MYOCD: variants seen among roughly 807,000 people sequenced by gnomAD.
The protein encoded by MYOCD is myocardin.
In MYOCD, 32 loss-of-function variants were observed where a neutral mutation model predicts 96.1. The observed-to-expected ratio is 0.33, with a 90% CI of 0.25 to 0.45. MYOCD has a LOEUF of 0.45. MYOCD is among the 20% of genes least tolerant of loss of function. MYOCD has a pLI of 1.00. For missense variants in MYOCD, 1,133 were observed against 1,200.6 expected (o/e 0.94, Z 0.83); for synonymous variants, 469 against 469.0 (o/e 1.00, Z 0.00).
chr17:12,686,279 T>C (rs1282674054), intron 1 of MYOCD, among the ~76,000 whole-genome samples: 9 of 152,152 alleles, frequency 5.9e-5, no homozygotes, highest in Admixed American at 5.9e-4. Context: ...CTCTCTTGCT[T>C]TACAGAGGAG....
At position 12,752,660 on chromosome 17, in the gene MYOCD, A is replaced by G. The variant is rs1272969613; in HGVS notation, c.1372A>G (p.Ile458Val). 1 of 1,613,874 alleles carries G rather than the reference A, an allele frequency of 6.2e-7. No individual in the cohort carries two copies. ...HFGSTSSSPPISPASSDLSVA... is the reference protein window; with the variant it reads ...HFGSTSSSPPVSPASSDLSVA... ...TGGCAGCACCAGCTCCAGCCCCCCG[A>G]TCTCCCCAGCCTCCTCTGACCTGTC... The change falls in exon 10 of 14, where the codon ATC becomes GTC. Residue 458 changes from isoleucine (I) to valine (V), a missense_variant. Physicochemically the swap from Ile to Val is conservative, Grantham distance 29. Coordinates refer to ENST00000425538, the MANE Select transcript of MYOCD (RefSeq NM_001146312.3).
At chr17:12,690,606 T>G (rs1360089103) in intron 1 of MYOCD, among the ~76,000 whole-genome samples, 1 of 152,216 alleles carries the variant, frequency 6.6e-6, no homozygotes, top group Non-Finnish European at 1.5e-5. Flanking sequence ...GGTCTCATTT[T>G]TGCATGTAGC....
chr17:12,707,708 C>T (rs1043421908), intron 2 of MYOCD, among the ~76,000 whole-genome samples: 1 of 151,500 alleles, frequency 6.6e-6, no homozygotes, highest in African/African-American at 2.4e-5. Flanking sequence ...AGCGAGACTC[C>T]GTCTCAAAAT....
chr17:12,708,844 C>CACAATAG (rs2031388996), intron 2 of MYOCD, among the ~76,000 whole-genome samples: 1 of 152,130 alleles, frequency 6.6e-6, no homozygotes, highest in African/African-American at 2.4e-5. Context: ...TCTCCTGATC[C>CACAATAG]CCGCCTAGGC....
At chr17:12,683,790 A>C (rs1365940986) in intron 1 of MYOCD, among the ~76,000 whole-genome samples, 1 of 152,144 alleles carries the variant, frequency 6.6e-6, no homozygotes, top group Non-Finnish European at 1.5e-5. Context: ...TAGGCTGTAA[A>C]CTTTCCATAG....
intron 1 of MYOCD, among the ~76,000 whole-genome samples, chr17:12,696,273 C>A (rs776894433): frequency 6.6e-6 from 1 of 152,004 alleles, no homozygotes. Flanking sequence ...CCACTGTGCC[C>A]GGCCCCATTT....
At chr17:12,733,405 G>A (rs2032238136) in intron 5 of MYOCD, among the ~76,000 whole-genome samples, 1 of 151,832 alleles carries the variant, frequency 6.6e-6, no homozygotes, top group South Asian at 2.1e-4. Flanking sequence ...GGTTGATGAT[G>A]TACCATAAAC....
At chr17:12,746,706 G>A (rs1220770733) in intron 9 of MYOCD, among the ~76,000 whole-genome samples, 2 of 147,842 alleles carry the variant, frequency 1.4e-5, no homozygotes, top group Admixed American at 6.8e-5. Context: ...ATAAGGAGAT[G>A]ATGATGATGA....
At chr17:12,747,855 T>C (rs2032712015) in intron 9 of MYOCD, among the ~76,000 whole-genome samples, 1 of 145,772 alleles carries the variant, frequency 6.9e-6, no homozygotes, top group Admixed American at 7.1e-5. Context: ...GGATAATTTT[T>C]TGGATCCTAT....
chr17:12,752,875 T>C lies in MYOCD; in HGVS notation c.1587T>C (p.Asn529=). The change falls in exon 10 of 14, where the codon AAT becomes AAC. Residue 529 remains asparagine (N), a synonymous_variant. Coordinates refer to ENST00000425538, the MANE Select transcript of MYOCD (RefSeq NM_001146312.3). ...KMLVEKQKVI[N]ELTWKLQQEQ... Reference sequence around the variant, plus strand: ...TGGTGGAGAAGCAGAAGGTGATCAATGAACTCACCTGGAAACTCCAGCAAG... The same window carrying C: ...TGGTGGAGAAGCAGAAGGTGATCAACGAACTCACCTGGAAACTCCAGCAAG... 6.2e-7 allele frequency: 1 copy of C among 1,613,822 alleles called. No homozygotes were observed. Among genetic ancestry groups the C allele is most frequent in the South Asian group, 1.1e-5 (1 of 91,044 alleles).
chr17:12,672,724 T>G (rs1179976528), intron 1 of MYOCD, among the ~76,000 whole-genome samples: 2 of 152,222 alleles, frequency 1.3e-5, no homozygotes, highest in African/African-American at 4.8e-5. Flanking sequence ...GGATGTTTGC[T>G]GTATTCAGCT....
rs534752788 is a variant in MYOCD at position 12,738,992 on chromosome 17, TA to T, written c.592-210del. 1.3e-3 allele frequency among the ~76,000 whole-genome samples: 202 copies of T among 152,296 alleles called. 1 individual carries two copies. The highest frequency in any genetic ancestry group is 4.6e-3 in the African/African-American group (191 of 41,550). On this transcript the variant is annotated intron_variant, in intron 6 of 13. Transcript: ENST00000425538. ...ATATGTATATACACATAAACATATT[TA>T]TATGTGTATACACATGTACATATAT...
At chr17:12,729,311 G>A (rs959570597) in intron 5 of MYOCD, among the ~76,000 whole-genome samples, 3 of 152,164 alleles carry the variant, frequency 2.0e-5, no homozygotes, top group African/African-American at 7.2e-5. Context: ...GAATCAGGGA[G>A]CTGGGAGTGT....
In MYOCD at chr17:12,763,293, T is replaced by C; in HGVS notation, c.2610T>C (p.Asp870=). ...AGAGCCCCCTAGGAAAGATGAGTGA[T>C]GTCACCCTTCTAAAAATTGGGAGCG... ...NSQSPLGKMS[D]VTLLKIGSEE... is the part of the protein sequence containing the mutation. Residue 870 remains aspartate (D), a synonymous_variant, in exon 14 of 14, where the codon GAT becomes GAC. Transcript: ENST00000425538. The C allele has an allele frequency of 6.2e-7, 1 of 1,610,644 alleles. No individual in the cohort carries two copies. Among genetic ancestry groups the C allele is most frequent in the Non-Finnish European group, 8.5e-7 (1 of 1,178,726 alleles).
chr17:12,724,586 C>T (rs573896803), intron 5 of MYOCD, among the ~76,000 whole-genome samples: 1 of 152,034 alleles, frequency 6.6e-6, no homozygotes, highest in African/African-American at 2.4e-5. Flanking sequence ...TCATCTTTTT[C>T]ATTATATTTT....
chr17:12,713,563 A>T (rs1260917741), intron 2 of MYOCD, among the ~76,000 whole-genome samples: 2 of 152,190 alleles, frequency 1.3e-5, no homozygotes, highest in Non-Finnish European at 2.9e-5. Flanking sequence ...TGGGTTATGT[A>T]AGTAATTAAA....
chr17:12,742,004 G>A (rs2150708987), intron 7 of MYOCD, among the ~76,000 whole-genome samples: 1 of 152,140 alleles, frequency 6.6e-6, no homozygotes, highest in South Asian at 2.1e-4. Flanking sequence ...AATGTGCTAA[G>A]GCAACATAGA....
intron 5 of MYOCD, among the ~76,000 whole-genome samples, chr17:12,727,684 C>T (rs1389878789): frequency 6.6e-6 from 1 of 152,202 alleles, no homozygotes; most frequent in African/African-American, 2.4e-5. Context: ...TAAGGACCAA[C>T]AATTCTCCAA....
chr17:12,666,124 AGCCTGTTGCTGGTGGAGAACAGGGGGC>A lies in MYOCD; in HGVS notation c.-59_-33del, dbSNP rs1909362054. 92 of 1,248,442 alleles carry A rather than the reference AGCCTGTTGCTGGTGGAGAACAGGGGGC, an allele frequency of 7.4e-5. 1 individual carries two copies. The South Asian group carries it at 1.1e-3, about 14-fold the overall frequency. The allele number at this position is 1,248,442 out of a possible 1,614,324, so 77.3% of individuals were successfully genotyped here. A position where few individuals can be genotyped will look rare whatever the true frequency, so the allele number is the denominator to read the frequency against. ...AGCTGCGGTCAGCTGGGCTCCCGGG[AGCCTGTTGCTGGTGGAGAACAGGGGGC>A]GCCTGGCCAAGGGACCAGCGGCTTG... On this transcript the variant is annotated 5_prime_UTR_variant, in exon 1 of 14. Coordinates refer to ENST00000425538, the MANE Select transcript of MYOCD (RefSeq NM_001146312.3).
Sources: gnomAD v4.1 joint callset for allele counts (sites outside exome capture counted in the v4.1 genomes callset) on GRCh38, gnomAD v4.1.1 for gene constraint, MANE v1.5 for transcripts, NCBI Gene and HGNC (gene_info 2026-07-23, HGNC 2026-07-21) for gene names.